SOX5: variants seen among roughly 807,000 people sequenced by gnomAD.
The protein encoded by SOX5 is transcription factor SOX-5.
SOX5 carries 9 observed loss-of-function variants against 92.0 expected under a neutral mutation model. The ratio of observed to expected loss-of-function variants is 0.10; its 90% confidence interval spans 0.06 to 0.17. SOX5 has a LOEUF of 0.17. Ranked by LOEUF, SOX5 falls within the 10% of genes least tolerant of loss-of-function variation. SOX5 has a pLI of 1.00. For missense variants in SOX5, 642 were observed against 944.5 expected (o/e 0.68, Z 4.20); for synonymous variants, 344 against 336.3 (o/e 1.02, Z -0.25).
chr12:23,919,278 C>G (rs2097455124), intron 1 of SOX5, among the ~76,000 whole-genome samples: 1 of 152,140 alleles, frequency 6.6e-6, no homozygotes, highest in East Asian at 1.9e-4. Context: ...TCATGAAAAA[C>G]CAAAAATCTG....
intron 4 of SOX5, among the ~76,000 whole-genome samples, chr12:24,052,051 A>G (rs1272219288): frequency 1.3e-5 from 2 of 152,160 alleles, no homozygotes; most frequent in East Asian, 1.9e-4. Context: ...TCTCTAGGCT[A>G]TCTTCAATAG....
At chr12:23,637,753 C>T (rs528178148) in intron 8 of SOX5, among the ~76,000 whole-genome samples, 1 of 152,276 alleles carries the variant, frequency 6.6e-6, no homozygotes, top group Non-Finnish European at 1.5e-5. Context: ...CTCCTCCATC[C>T]TTAGTGTGGT....
At chr12:24,268,449 T>G (rs1406229599) in intron 3 of SOX5, among the ~76,000 whole-genome samples, 1 of 152,116 alleles carries the variant, frequency 6.6e-6, no homozygotes, top group East Asian at 1.9e-4. Context: ...ACTCAAGAGA[T>G]TTACGTGTAC....
At chr12:23,912,559 A>T (rs1211628526) in intron 1 of SOX5, among the ~76,000 whole-genome samples, 1 of 152,246 alleles carries the variant, frequency 6.6e-6, no homozygotes, top group Non-Finnish European at 1.5e-5. Flanking sequence ...AGCATTATTC[A>T]TAATAGCGAA....
chr12:23,552,474 A>C (rs1157305645), intron 11 of SOX5, among the ~76,000 whole-genome samples: 1 of 151,892 alleles, frequency 6.6e-6, no homozygotes, highest in Non-Finnish European at 1.5e-5. Context: ...AAGAAATTAC[A>C]CAGGATCCTG....
intron 2 of SOX5, among the ~76,000 whole-genome samples, chr12:24,330,082 C>T (rs190629709): frequency 1.3e-4 from 19 of 151,742 alleles, no homozygotes; most frequent in Middle Eastern, 3.4e-3. Context: ...AATAGAATTA[C>T]GAATAGAATA....
At chr12:23,983,666 C>T (rs1241129556) in intron 4 of SOX5, among the ~76,000 whole-genome samples, 2 of 152,082 alleles carry the variant, frequency 1.3e-5, no homozygotes, top group Non-Finnish European at 2.9e-5. Flanking sequence ...CAGAATTATA[C>T]AAATAAGTAC....
chr12:24,261,194 A>T (rs1942034650), intron 3 of SOX5, among the ~76,000 whole-genome samples: 1 of 152,174 alleles, frequency 6.6e-6, no homozygotes, highest in Non-Finnish European at 1.5e-5. Context: ...TCTACAGCAA[A>T]AGCAAATTTT....
At chr12:23,829,226 T>A (rs945006017) in intron 3 of SOX5, among the ~76,000 whole-genome samples, 7 of 152,130 alleles carry the variant, frequency 4.6e-5, no homozygotes, top group Non-Finnish European at 8.8e-5. Flanking sequence ...CACACAGGCC[T>A]AGGAGGTCTG....
chr12:23,884,448 T>C (rs1308748730), intron 2 of SOX5, among the ~76,000 whole-genome samples: 2 of 152,162 alleles, frequency 1.3e-5, no homozygotes, highest in Non-Finnish European at 2.9e-5. Flanking sequence ...CCCAATAGCC[T>C]ATTATTCTAA....
At chr12:23,656,824 T>C (rs1032964234) in intron 7 of SOX5, among the ~76,000 whole-genome samples, 2 of 151,936 alleles carry the variant, frequency 1.3e-5, no homozygotes, top group Non-Finnish European at 2.9e-5. Flanking sequence ...TGGAAAAACA[T>C]GTATAAAATT....
intron 2 of SOX5, among the ~76,000 whole-genome samples, chr12:23,867,163 C>G (rs1244645217): frequency 6.6e-6 from 1 of 152,082 alleles, no homozygotes; most frequent in East Asian, 1.9e-4. Context: ...CAAATCTCAT[C>G]TCATATACAC....
At chr12:24,044,397 C>G (rs567590215) in intron 4 of SOX5, among the ~76,000 whole-genome samples, 51 of 152,158 alleles carry the variant, frequency 3.4e-4, no homozygotes, top group Non-Finnish European at 6.5e-4. Flanking sequence ...TTTTCTAGTC[C>G]GGGAGGGGCA....
chr12:24,424,794 G>A (rs553258740), intron 1 of SOX5, among the ~76,000 whole-genome samples: 2 of 127,848 alleles, frequency 1.6e-5, no homozygotes, highest in Non-Finnish European at 3.2e-5. Flanking sequence ...TCTTTTCTTT[G>A]TGAGTTTTTT....
At chr12:24,124,402 A>G (rs1189470942) in intron 4 of SOX5, among the ~76,000 whole-genome samples, 2 of 152,198 alleles carry the variant, frequency 1.3e-5, no homozygotes, top group Non-Finnish European at 2.9e-5. Flanking sequence ...TTCACGGAGA[A>G]GTTCACACAA....
intron 5 of SOX5, among the ~76,000 whole-genome samples, chr12:23,737,160 C>T (rs1011038878): frequency 6.6e-6 from 1 of 152,122 alleles, no homozygotes; most frequent in Non-Finnish European, 1.5e-5. Flanking sequence ...CTTCAACCTC[C>T]CACGTACTTT....
intron 4 of SOX5, among the ~76,000 whole-genome samples, chr12:23,959,216 A>C (rs1055013535): frequency 6.6e-6 from 1 of 151,950 alleles, no homozygotes; most frequent in East Asian, 1.9e-4. Context: ...CAAATTTTGC[A>C]AAAGAAAAAG....
At chr12:24,336,924 G>T (rs1386934803) in intron 2 of SOX5, among the ~76,000 whole-genome samples, 1 of 152,192 alleles carries the variant, frequency 6.6e-6, no homozygotes, top group East Asian at 1.9e-4. Flanking sequence ...CTGAGCAAAT[G>T]AGCTTTGTAA....
At chr12:24,333,275 A>C (rs990528628) in intron 2 of SOX5, among the ~76,000 whole-genome samples, 1 of 152,060 alleles carries the variant, frequency 6.6e-6, no homozygotes, top group Non-Finnish European at 1.5e-5. Flanking sequence ...TTTGAAGTTT[A>C]AGTAAATTTA....
Sources: gnomAD v4.1 joint callset for allele counts (sites outside exome capture counted in the v4.1 genomes callset) on GRCh38, gnomAD v4.1.1 for gene constraint, MANE v1.5 for transcripts, NCBI Gene and HGNC (gene_info 2026-07-23, HGNC 2026-07-21) for gene names.